CYP19A1: variants seen among roughly 807,000 people sequenced by gnomAD.
CYP19A1 encodes cytochrome P450 family 19 subfamily A member 1, also known as aromatase.
A neutral mutation model predicts 44.4 loss-of-function variants in CYP19A1; 32 were observed. That is an observed-to-expected ratio of 0.72 (90% confidence interval 0.54 to 0.97). CYP19A1 has a LOEUF of 0.97. CYP19A1 is among the 50% of genes least tolerant of loss of function. The pLI, the probability that CYP19A1 is intolerant of heterozygous loss-of-function variation, is 0.00. For missense variants in CYP19A1, 598 were observed against 637.8 expected, an observed-to-expected ratio of 0.94 and a Z score of 0.67; for synonymous variants, 212 against 215.6, an observed-to-expected ratio of 0.98 and a Z score of 0.14.
At chr15:51,228,552 G>C (rs1031961369) in intron 3 of CYP19A1, among the ~76,000 whole-genome samples, 19 of 152,180 alleles carry the variant, frequency 1.2e-4, no homozygotes, top group African/African-American at 4.3e-4. Flanking sequence ...CGCCTGGCTG[G>C]ACTGGCATGC....
intron 1 of CYP19A1, chr15:51,280,117 CTTTTTTTTTTTT>C (rs56080547): frequency 8.4e-6 from 1 of 119,626 alleles, no homozygotes; most frequent in Non-Finnish European, 1.7e-5. Flanking sequence ...GCCTGCCCTT[CTTTTTTTTTTTT>C]TTTTTTTTTT....
chr15:51,256,222 T>C (rs2034509435), intron 1 of CYP19A1, among the ~76,000 whole-genome samples: 1 of 152,206 alleles, frequency 6.6e-6, no homozygotes, highest in Admixed American at 6.5e-5. Flanking sequence ...CTTGGGAATA[T>C]CTGAAATGGA....
intron 3 of CYP19A1, among the ~76,000 whole-genome samples, chr15:51,231,615 C>T (rs1278885588): frequency 6.6e-6 from 1 of 151,596 alleles, no homozygotes; most frequent in Admixed American, 6.6e-5. Flanking sequence ...AAAAGAAAAA[C>T]CACACATGCG....
chr15:51,253,442 G>C (rs1000290066), intron 1 of CYP19A1, among the ~76,000 whole-genome samples: 1 of 152,096 alleles, frequency 6.6e-6, no homozygotes, highest in Non-Finnish European at 1.5e-5. Flanking sequence ...TGGGGTAGTC[G>C]TGTAGCTCCC....
Position 51,267,537 on chromosome 15 carries a change from C to T in CYP19A1, c.-38-24587G>A, listed in dbSNP as rs376985871. ...CTGTACGCCGAGGTCTGCGCCGCCC[C>T]CACGTCCGTGGCCGGCCACTGCCCA... On this transcript the variant is annotated intron_variant, in intron 1 of 9. Coordinates refer to ENST00000396402, the MANE Select transcript of CYP19A1 (RefSeq NM_000103.4). 8.9e-4 allele frequency among the ~76,000 whole-genome samples: 135 copies of T among 152,292 alleles called. 1 individual carries two copies. The East Asian group carries it at 0.024, about 27-fold the overall frequency.
intron 1 of CYP19A1, among the ~76,000 whole-genome samples, chr15:51,334,274 T>C (rs2036744395): frequency 1.3e-5 from 2 of 152,202 alleles, no homozygotes; most frequent in Admixed American, 6.5e-5. Context: ...TGGGTGAACG[T>C]TGATGAGGTT....
intron 1 of CYP19A1, among the ~76,000 whole-genome samples, chr15:51,251,304 G>A (rs915339697): frequency 6.6e-6 from 1 of 152,166 alleles, no homozygotes; most frequent in Non-Finnish European, 1.5e-5. Flanking sequence ...CAGCCAGAGA[G>A]GCCCCCTGAA....
intron 3 of CYP19A1, among the ~76,000 whole-genome samples, chr15:51,235,768 A>T (rs979620044): frequency 6.6e-6 from 1 of 152,252 alleles, no homozygotes; most frequent in Non-Finnish European, 1.5e-5. Context: ...GAAAAGCTTC[A>T]CTTACTTTTG....
intron 1 of CYP19A1, among the ~76,000 whole-genome samples, chr15:51,291,060 T>A (rs2035833411): frequency 6.6e-6 from 1 of 152,142 alleles, no homozygotes; most frequent in South Asian, 2.1e-4. Flanking sequence ...GTCACTGAGG[T>A]CCCAGCATGC....
intron 1 of CYP19A1, among the ~76,000 whole-genome samples, chr15:51,269,100 G>A (rs1161465682): frequency 6.6e-6 from 1 of 151,968 alleles, no homozygotes; most frequent in Non-Finnish European, 1.5e-5. Flanking sequence ...AGAGACCTTT[G>A]TCTACTCCAA....
In CYP19A1 at chr15:51,208,212, AG is replaced by A. The variant is rs1566863319; in HGVS notation, c.*2595del. On this transcript the variant is annotated 3_prime_UTR_variant, in exon 10 of 10. Transcript: ENST00000396402. ...GAACATTAGCATCATGAACAGTGAA[AG>A]GTGCTGCTTAGGAATAAAAAGTGGC... The A allele has an allele frequency of 6.6e-6, 1 of 152,186 alleles. No individual in the cohort carries two copies. Among genetic ancestry groups the A allele is most frequent in the Non-Finnish European group, 1.5e-5 (1 of 68,022 alleles). The allele number at this position is 152,186 out of a possible 1,614,324, so 9.4% of individuals were successfully genotyped here. A position where few individuals can be genotyped will look rare whatever the true frequency, so the allele number is the denominator to read the frequency against.
intron 1 of CYP19A1, among the ~76,000 whole-genome samples, chr15:51,292,695 G>A (rs1222752040): frequency 6.6e-6 from 1 of 152,164 alleles, no homozygotes; most frequent in African/African-American, 2.4e-5. Context: ...GCCAAGCTTT[G>A]TATCCATCCA....
At chr15:51,312,389 C>T (rs1301309807) in intron 1 of CYP19A1, 1 of 152,238 alleles carries the variant, frequency 6.6e-6, no homozygotes, top group Non-Finnish European at 1.5e-5. Context: ...TTACAGTTTA[C>T]AGAGCAGCTC....
chr15:51,317,275 T>A (rs2036444106), intron 1 of CYP19A1, among the ~76,000 whole-genome samples: 1 of 151,668 alleles, frequency 6.6e-6, no homozygotes, highest in Non-Finnish European at 1.5e-5. Context: ...CTAATTATTA[T>A]TTTTTTTGTA....
At chr15:51,229,190 T>A (rs893705102) in intron 3 of CYP19A1, among the ~76,000 whole-genome samples, 1 of 152,032 alleles carries the variant, frequency 6.6e-6, no homozygotes, top group Admixed American at 6.6e-5. Flanking sequence ...CCTGAAATAA[T>A]GGTAGTGTCA....
At chr15:51,272,720 C>T (rs888573338) in intron 1 of CYP19A1, among the ~76,000 whole-genome samples, 2 of 152,284 alleles carry the variant, frequency 1.3e-5, no homozygotes, top group African/African-American at 4.8e-5. Flanking sequence ...TAGTACCAAA[C>T]TCATGTATGA....
chr15:51,311,063 A>T (rs1445598524), intron 1 of CYP19A1, among the ~76,000 whole-genome samples: 5 of 152,210 alleles, frequency 3.3e-5, no homozygotes, highest in Non-Finnish European at 7.3e-5. Context: ...GTCTCATAGT[A>T]TACTATATGA....
At chr15:51,244,796 A>T (rs2033975876) in intron 1 of CYP19A1, among the ~76,000 whole-genome samples, 1 of 152,232 alleles carries the variant, frequency 6.6e-6, no homozygotes, top group Admixed American at 6.5e-5. Flanking sequence ...CACAACACTG[A>T]AAGCAAAGAG....
chr15:51,222,940 G>A (rs181058812), intron 4 of CYP19A1, among the ~76,000 whole-genome samples: 18 of 152,156 alleles, frequency 1.2e-4, no homozygotes, highest in African/African-American at 3.4e-4. Flanking sequence ...TTTATTTTGC[G>A]TTTCAACAGG....
Sources: gnomAD v4.1 joint callset for allele counts (sites outside exome capture counted in the v4.1 genomes callset) on GRCh38, gnomAD v4.1.1 for gene constraint, MANE v1.5 for transcripts, NCBI Gene and HGNC (gene_info 2026-07-23, HGNC 2026-07-21) for gene names.